The following ADGRL2 variants were observed in gnomAD, a reference collection of about 807,000 sequenced individuals.
ADGRL2 encodes calcium-independent alpha-latrotoxin receptor 2.
ADGRL2 carries 44 observed loss-of-function variants against 157.4 expected under a neutral mutation model. The observed-to-expected ratio is 0.28, with a 90% CI of 0.22 to 0.36. The LOEUF (loss-of-function observed/expected upper bound fraction) is 0.36, where lower values mean the gene tolerates loss of function less well. ADGRL2 is among the 10% of genes least tolerant of loss of function. ADGRL2 has a pLI of 1.00. For synonymous variants in ADGRL2, 585 were observed against 624.7 expected (o/e 0.94, Z 0.95); for missense variants, 1,510 against 1,768.9 (o/e 0.85, Z 2.63).
intron 3 of ADGRL2, among the ~76,000 whole-genome samples, chr1:81,915,556 A>G (rs537793587): frequency 1.3e-5 from 2 of 152,206 alleles, no homozygotes; most frequent in Non-Finnish European, 2.9e-5. Flanking sequence ...CCATAAGGAC[A>G]TTACATTAGT....
intron 1 of ADGRL2, among the ~76,000 whole-genome samples, chr1:81,725,859 G>A (rs1180499249): frequency 2.0e-5 from 3 of 151,966 alleles, no homozygotes; most frequent in Non-Finnish European, 4.4e-5. Flanking sequence ...GGTGCACGCC[G>A]GTAGTCCCCG....
At chr1:81,334,964 AG>A (rs1019020084) in intron 1 of ADGRL2, among the ~76,000 whole-genome samples, 18 of 152,198 alleles carry the variant, frequency 1.2e-4, no homozygotes, top group African/African-American at 4.3e-4. Context: ...GGCTATGTCA[AG>A]GGCTTCACAT....
intron 3 of ADGRL2, among the ~76,000 whole-genome samples, chr1:81,929,864 A>T (rs1042599426): frequency 7.2e-5 from 11 of 152,174 alleles, no homozygotes; most frequent in Admixed American, 7.2e-4. Context: ...GATGTTTGTT[A>T]TCCAGGTATT....
chr1:81,599,457 C>T (rs535703701), intron 3 of ADGRL2, among the ~76,000 whole-genome samples: 32 of 152,220 alleles, frequency 2.1e-4, no homozygotes, highest in Non-Finnish European at 4.4e-4. Context: ...AAGTGAGTGC[C>T]ACCTTTACCC....
intron 3 of ADGRL2, among the ~76,000 whole-genome samples, chr1:81,685,805 T>C (rs939162152): frequency 3.9e-5 from 6 of 152,218 alleles, no homozygotes; most frequent in African/African-American, 1.2e-4. Context: ...TTAAGGTATG[T>C]CCCTTGTATG....
At chr1:81,655,284 G>A (rs1217623225) in intron 3 of ADGRL2, among the ~76,000 whole-genome samples, 3 of 152,196 alleles carry the variant, frequency 2.0e-5, no homozygotes, top group African/African-American at 4.8e-5. Context: ...ACAGGCGTGA[G>A]CCACCGTGCC....
chr1:81,607,781 T>C (rs2081464256), intron 3 of ADGRL2, among the ~76,000 whole-genome samples: 2 of 152,308 alleles, frequency 1.3e-5, no homozygotes, highest in African/African-American at 4.8e-5. Flanking sequence ...TAATTAAAGA[T>C]AATAACAGAA....
chr1:81,913,738 G>A (rs1218174162), intron 3 of ADGRL2, among the ~76,000 whole-genome samples: 2 of 152,000 alleles, frequency 1.3e-5, no homozygotes, highest in African/African-American at 4.8e-5. Context: ...GAGAAGGAGT[G>A]GCAATTTGAT....
chr1:81,966,266 T>A, intron 12 of ADGRL2, 83 bp downstream of exon 12: 4 of 1,574,502 alleles, frequency 2.5e-6, no homozygotes, highest in African/African-American at 2.7e-5. Context: ...TGAGTCCTTA[T>A]ATAACAAAAA....
chr1:81,597,136 G>C (rs184914005), intron 3 of ADGRL2, among the ~76,000 whole-genome samples: 4 of 152,266 alleles, frequency 2.6e-5, no homozygotes, highest in African/African-American at 9.6e-5. Context: ...AAAGCCAGTC[G>C]TCTCTTCTCT....
chr1:81,901,892 C>G (rs531915411), intron 2 of ADGRL2, among the ~76,000 whole-genome samples: 18 of 152,216 alleles, frequency 1.2e-4, no homozygotes, highest in South Asian at 2.1e-4. Flanking sequence ...TGTGTGTAAA[C>G]TTTTTATTTT....
chr1:81,812,271 T>C (rs1192543027), intron 1 of ADGRL2, among the ~76,000 whole-genome samples: 2 of 151,868 alleles, frequency 1.3e-5, no homozygotes, highest in Non-Finnish European at 3.0e-5. Flanking sequence ...GACATTTCCC[T>C]TTGAAAGTTA....
chr1:81,817,325 C>T (rs76390767), intron 1 of ADGRL2, among the ~76,000 whole-genome samples: 3,997 of 148,880 alleles, frequency 0.027, 77 homozygotes, highest in East Asian at 0.058. Context: ...TATAAAAATT[C>T]GGTGGAAATC....
chr1:81,592,472 A>G (rs1035301370), intron 3 of ADGRL2, among the ~76,000 whole-genome samples: 5 of 152,178 alleles, frequency 3.3e-5, no homozygotes, highest in Admixed American at 3.3e-4. Flanking sequence ...ACAATAATGC[A>G]TCTGCCACCA....
intron 1 of ADGRL2, among the ~76,000 whole-genome samples, chr1:81,361,389 G>A (rs1235650872): frequency 6.6e-6 from 1 of 151,904 alleles, no homozygotes; most frequent in Non-Finnish European, 1.5e-5. Context: ...AGATGGCACT[G>A]CTTGCTCTTA....
intron 3 of ADGRL2, among the ~76,000 whole-genome samples, chr1:81,618,579 C>T (rs1484549593): frequency 6.6e-6 from 1 of 152,140 alleles, no homozygotes; most frequent in African/African-American, 2.4e-5. Context: ...CCAAGAAATT[C>T]CCTCCTGGAT....
At chr1:81,911,007 T>C (rs978276313) in intron 3 of ADGRL2, among the ~76,000 whole-genome samples, 2 of 152,062 alleles carry the variant, frequency 1.3e-5, no homozygotes, top group African/African-American at 4.8e-5. Context: ...TGTATTTTGC[T>C]CCTCTTGTGT....
intron 1 of ADGRL2, among the ~76,000 whole-genome samples, chr1:81,413,026 T>C (rs2076973913): frequency 6.6e-6 from 1 of 152,216 alleles, no homozygotes; most frequent in African/African-American, 2.4e-5. Flanking sequence ...ACTTTTTTGT[T>C]ATGCATATAT....
chr1:81,526,581 A>G (rs989239987), intron 2 of ADGRL2, among the ~76,000 whole-genome samples: 1 of 152,374 alleles, frequency 6.6e-6, no homozygotes, highest in Non-Finnish European at 1.5e-5. Flanking sequence ...TGTAATGTTT[A>G]ACATCATTCT....
Sources: gnomAD v4.1 joint callset for allele counts (sites outside exome capture counted in the v4.1 genomes callset) on GRCh38, gnomAD v4.1.1 for gene constraint, MANE v1.5 for transcripts, NCBI Gene and HGNC (gene_info 2026-07-23, HGNC 2026-07-21) for gene names.